Variants in CDH12 observed in about 807,000 individuals in gnomAD.
CDH12 encodes the protein cadherin-12.
A neutral mutation model predicts 74.1 loss-of-function variants in CDH12; 41 were observed. That is an observed-to-expected ratio of 0.55 (90% confidence interval 0.43 to 0.72). The LOEUF is 0.72. CDH12 is among the 30% of genes least tolerant of loss of function. CDH12 has a pLI of 0.00. For missense variants in CDH12, 945 were observed against 977.2 expected, an observed-to-expected ratio of 0.97 and a Z score of 0.44; for synonymous variants, 399 against 355.0, an observed-to-expected ratio of 1.12 and a Z score of -1.39.
At chr5:22,226,444 G>A (rs1028326684) in intron 3 of CDH12, among the ~76,000 whole-genome samples, 3 of 151,162 alleles carry the variant, frequency 2.0e-5, no homozygotes, top group Admixed American at 2.0e-4. Context: ...ATGGTGGGGG[G>A]AAGAACCAGA....
At chr5:22,109,113 C>A (rs2150258380) in intron 4 of CDH12, among the ~76,000 whole-genome samples, 1 of 152,198 alleles carries the variant, frequency 6.6e-6, no homozygotes, top group East Asian at 1.9e-4. Context: ...ATTCATTTTA[C>A]TCTTTATGAT....
chr5:22,434,192 A>G (rs1349587494), intron 2 of CDH12, among the ~76,000 whole-genome samples: 1 of 152,154 alleles, frequency 6.6e-6, no homozygotes, highest in Non-Finnish European at 1.5e-5. Flanking sequence ...TGTTGACACA[A>G]GAACATAGTA....
At chr5:21,966,282 G>A (rs1298592865) in intron 6 of CDH12, among the ~76,000 whole-genome samples, 1 of 150,376 alleles carries the variant, frequency 6.6e-6, no homozygotes, top group Non-Finnish European at 1.5e-5. Flanking sequence ...AATCCACTAT[G>A]TAATGGGTCA....
chr5:22,081,326 T>C (rs1742712439), intron 4 of CDH12, among the ~76,000 whole-genome samples: 1 of 152,116 alleles, frequency 6.6e-6, no homozygotes, highest in South Asian at 2.1e-4. Flanking sequence ...TTCAATAACG[T>C]GTAAGCATGG....
chr5:22,159,996 G>A (rs144154970), intron 4 of CDH12, among the ~76,000 whole-genome samples: 24 of 152,282 alleles, frequency 1.6e-4, no homozygotes, highest in Admixed American at 3.9e-4. Context: ...AATGGTAATA[G>A]ACGGAGTAAA....
chr5:22,119,923 T>G (rs1745405545), intron 4 of CDH12, among the ~76,000 whole-genome samples: 1 of 152,138 alleles, frequency 6.6e-6, no homozygotes, highest in Non-Finnish European at 1.5e-5. Flanking sequence ...AAAAACTTCA[T>G]TAAAGAGGAG....
intron 3 of CDH12, among the ~76,000 whole-genome samples, chr5:22,252,729 G>C (rs2150388456): frequency 6.6e-6 from 1 of 151,852 alleles, no homozygotes; most frequent in South Asian, 2.1e-4. Flanking sequence ...CTTTATGTTT[G>C]CTATTCTTTC....
At chr5:22,672,443 A>C (rs960505879) in intron 1 of CDH12, among the ~76,000 whole-genome samples, 1 of 151,950 alleles carries the variant, frequency 6.6e-6, no homozygotes, top group Non-Finnish European at 1.5e-5. Context: ...TGAAGGGATT[A>C]ATGCCATTAT....
chr5:22,605,533 C>T (rs998683489), intron 1 of CDH12, among the ~76,000 whole-genome samples: 2 of 152,210 alleles, frequency 1.3e-5, no homozygotes, highest in African/African-American at 4.8e-5. Flanking sequence ...TCATTCCCAC[C>T]TCCCACCTCT....
chr5:21,834,182 T>C (rs1749400629), intron 8 of CDH12, among the ~76,000 whole-genome samples: 1 of 151,142 alleles, frequency 6.6e-6, no homozygotes, highest in Non-Finnish European at 1.5e-5. Context: ...CAGTTTTATT[T>C]TTTATGCCCT....
chr5:22,691,168 G>A (rs1375396681), intron 1 of CDH12, among the ~76,000 whole-genome samples: 1 of 152,092 alleles, frequency 6.6e-6, no homozygotes, highest in East Asian at 1.9e-4. Context: ...AACACTTCAA[G>A]CAGAAATATA....
intron 1 of CDH12, among the ~76,000 whole-genome samples, chr5:22,771,771 G>A (rs550704767): frequency 6.6e-6 from 1 of 152,028 alleles, no homozygotes; most frequent in East Asian, 1.9e-4. Context: ...AGAATGACCA[G>A]TTTCTTTACA....
chr5:22,351,514 T>A (rs572017807), intron 3 of CDH12, among the ~76,000 whole-genome samples: 2 of 152,326 alleles, frequency 1.3e-5, no homozygotes, highest in South Asian at 4.1e-4. Flanking sequence ...AAAACTATAG[T>A]GTTTCAAAAT....
intron 6 of CDH12, among the ~76,000 whole-genome samples, chr5:21,957,086 T>G (rs1756135011): frequency 6.6e-6 from 1 of 152,114 alleles, no homozygotes; most frequent in South Asian, 2.1e-4. Context: ...TCAAGTAGAC[T>G]CCGGTGTCTG....
At chr5:22,157,064 C>T (rs888064675) in intron 4 of CDH12, among the ~76,000 whole-genome samples, 2 of 151,802 alleles carry the variant, frequency 1.3e-5, no homozygotes, top group Non-Finnish European at 2.9e-5. Flanking sequence ...ATCTACATCA[C>T]AAACTTGTAA....
chr5:21,792,220 T>C (rs996816921), intron 10 of CDH12, among the ~76,000 whole-genome samples: 1 of 151,928 alleles, frequency 6.6e-6, no homozygotes, highest in African/African-American at 2.4e-5. Context: ...TTGTAATTTC[T>C]CCATCAGCAA....
chr5:22,247,770 T>A (rs916496154), intron 3 of CDH12, among the ~76,000 whole-genome samples: 18 of 152,344 alleles, frequency 1.2e-4, no homozygotes, highest in African/African-American at 4.1e-4. Flanking sequence ...CTATATGTCT[T>A]TTAGTGTCTA....
intron 6 of CDH12, among the ~76,000 whole-genome samples, chr5:21,966,077 G>A (rs1249872247): frequency 2.0e-5 from 3 of 151,080 alleles, no homozygotes; most frequent in Admixed American, 1.3e-4. Flanking sequence ...CTGATTTCAC[G>A]CTGATACATA....
chr5:22,286,061 AGTTT>A (rs896739399), intron 3 of CDH12, among the ~76,000 whole-genome samples: 18 of 152,134 alleles, frequency 1.2e-4, no homozygotes, highest in Non-Finnish European at 2.4e-4. Flanking sequence ...AAATACTCTT[AGTTT>A]GAGTTTTAAT....
Sources: gnomAD v4.1 joint callset for allele counts (sites outside exome capture counted in the v4.1 genomes callset) on GRCh38, gnomAD v4.1.1 for gene constraint, MANE v1.5 for transcripts, NCBI Gene and HGNC (gene_info 2026-07-23, HGNC 2026-07-21) for gene names.